SEMA3A: variants seen among roughly 807,000 people sequenced by gnomAD.
The protein encoded by SEMA3A is semaphorin-3A.
Under a neutral mutation model 97.9 loss-of-function variants are expected in SEMA3A, and 29 were observed. That is an observed-to-expected ratio of 0.30 (90% CI 0.22 to 0.40). The LOEUF (loss-of-function observed/expected upper bound fraction) is 0.40, where lower values mean the gene tolerates loss of function less well. SEMA3A is among the 10% of genes least tolerant of loss of function. The pLI, the probability that SEMA3A is intolerant of heterozygous loss-of-function variation, is 1.00. For synonymous variants in SEMA3A, 321 were observed against 323.7 expected, an observed-to-expected ratio of 0.99 and a Z score of 0.09; for missense variants, 763 against 951.3, an observed-to-expected ratio of 0.80 and a Z score of 2.60.
At chr7:84,346,587 C>T (rs1054205041) in intron 2 of SEMA3A, among the ~76,000 whole-genome samples, 5 of 152,082 alleles carry the variant, frequency 3.3e-5, no homozygotes, top group African/African-American at 1.2e-4. Context: ...GGACAGACAT[C>T]GATAAATGGC....
chr7:84,314,226 T>C (rs1225996945), intron 2 of SEMA3A, among the ~76,000 whole-genome samples: 1 of 152,144 alleles, frequency 6.6e-6, no homozygotes, highest in African/African-American at 2.4e-5. Context: ...AGTGAGTCTA[T>C]CTAGTTTTGC....
intron 4 of SEMA3A, among the ~76,000 whole-genome samples, chr7:84,083,765 T>C (rs1195216550): frequency 2.0e-5 from 3 of 152,078 alleles, no homozygotes; most frequent in Non-Finnish European, 4.4e-5. Flanking sequence ...CTTAACATTT[T>C]ATATAATCCA....
At chr7:84,093,128 G>C (rs1794648129) in intron 4 of SEMA3A, among the ~76,000 whole-genome samples, 1 of 152,004 alleles carries the variant, frequency 6.6e-6, no homozygotes, top group Non-Finnish European at 1.5e-5. Context: ...AAACTGGCTG[G>C]GGACATTTAT....
intron 4 of SEMA3A, among the ~76,000 whole-genome samples, chr7:84,086,547 CATATA>C (rs1245512657): frequency 5.9e-5 from 3 of 51,110 alleles, no homozygotes; most frequent in South Asian, 4.6e-4. Flanking sequence ...ATTATATTTA[CATATA>C]ATATATTATT....
chr7:83,986,970 TCACACA>T (rs61054337), intron 12 of SEMA3A, among the ~76,000 whole-genome samples: 1 of 106,852 alleles, frequency 9.4e-6, no homozygotes. Flanking sequence ...TCTCTCTCTT[TCACACA>T]CACACACACA....
At chr7:84,000,187 A>G (rs1790385048) in intron 12 of SEMA3A, among the ~76,000 whole-genome samples, 1 of 151,540 alleles carries the variant, frequency 6.6e-6, no homozygotes, top group South Asian at 2.1e-4. Context: ...CCATTTGGAC[A>G]GTTGTTAGCT....
chr7:84,273,848 T>C (rs1426090204), intron 3 of SEMA3A, among the ~76,000 whole-genome samples: 1 of 152,100 alleles, frequency 6.6e-6, no homozygotes, highest in East Asian at 1.9e-4. Context: ...TATTTCCATA[T>C]TACAGGGTTA....
chr7:84,371,173 T>C (rs560194523), intron 2 of SEMA3A, among the ~76,000 whole-genome samples: 1 of 151,948 alleles, frequency 6.6e-6, no homozygotes, highest in African/African-American at 2.4e-5. Flanking sequence ...TTTACATTGT[T>C]TTTTTATTAT....
intron 3 of SEMA3A, among the ~76,000 whole-genome samples, chr7:84,126,339 G>A (rs1795791560): frequency 6.6e-6 from 1 of 151,996 alleles, no homozygotes; most frequent in Non-Finnish European, 1.5e-5. Context: ...CCCAGTAACT[G>A]AGACCACGGG....
At position 84,240,053 on chromosome 7, in the gene SEMA3A, CA is replaced by C. The variant is rs541770136; in HGVS notation, c.-82-45386del. Among the ~76,000 whole-genome samples the C allele has an allele frequency of 2.7e-4, 41 of 152,102 alleles. No homozygotes were observed. In the East Asian group the frequency reaches 6.8e-3, roughly 25 times the overall value. On this transcript the variant is annotated intron_variant, in intron 3 of 3. Coordinates refer to the SEMA3A transcript ENST00000424555. ...GTGTTTCAAATTACCAATTTATACCCAAGTGGTAGGTTGGTCTGTAGGATCC... is the reference window on the plus strand; with the variant it reads ...GTGTTTCAAATTACCAATTTATACCCAGTGGTAGGTTGGTCTGTAGGATCC...
chr7:84,066,525 T>C (rs1428878876), intron 4 of SEMA3A, among the ~76,000 whole-genome samples: 4 of 149,154 alleles, frequency 2.7e-5, no homozygotes, highest in East Asian at 2.0e-4. Context: ...GAAAACCCCA[T>C]TGTCTCAGCC....
At chr7:84,102,258 T>C (rs1794978190) in intron 4 of SEMA3A, among the ~76,000 whole-genome samples, 1 of 152,226 alleles carries the variant, frequency 6.6e-6, no homozygotes, top group African/African-American at 2.4e-5. Flanking sequence ...GTGTGACTAT[T>C]AAAGTGTGCT....
intron 3 of SEMA3A, among the ~76,000 whole-genome samples, chr7:84,288,928 G>A (rs760378794): frequency 2.6e-5 from 4 of 152,026 alleles, no homozygotes; most frequent in Non-Finnish European, 5.9e-5. Flanking sequence ...GTTTATTGGA[G>A]CACTATTTGC....
chr7:84,029,010 A>T (rs960481790), intron 6 of SEMA3A, among the ~76,000 whole-genome samples: 4 of 152,206 alleles, frequency 2.6e-5, no homozygotes, highest in Admixed American at 1.3e-4. Context: ...CTGATATCTC[A>T]GAATAACTTT....
At chr7:84,363,655 G>A (rs66946757) in intron 2 of SEMA3A, among the ~76,000 whole-genome samples, 33,504 of 151,656 alleles carry the variant, frequency 0.22, 3,983 homozygotes, top group South Asian at 0.35. Flanking sequence ...TTATGGTTTA[G>A]ACAAATTGTG....
intron 1 of SEMA3A, among the ~76,000 whole-genome samples, chr7:84,488,312 GTA>G (rs1491213434): frequency 1.3e-4 from 10 of 74,526 alleles, no homozygotes; most frequent in East Asian, 3.6e-4. Context: ...ATGTTTCTTC[GTA>G]TATACACACA....
chr7:84,424,894 A>ATAT (rs1481712927), intron 1 of SEMA3A, among the ~76,000 whole-genome samples: 12 of 76,810 alleles, frequency 1.6e-4, no homozygotes, highest in Admixed American at 7.3e-4. Context: ...ATATATAAAT[A>ATAT]ATTTATATAA....
At chr7:84,249,780 T>C (rs959739703) in intron 3 of SEMA3A, among the ~76,000 whole-genome samples, 3 of 148,642 alleles carry the variant, frequency 2.0e-5, no homozygotes, top group Non-Finnish European at 4.5e-5. Flanking sequence ...TGAGATTCCT[T>C]TCTAAAAAAA....
intron 4 of SEMA3A, among the ~76,000 whole-genome samples, chr7:84,091,118 GA>G (rs200764201): frequency 1.4e-5 from 1 of 73,022 alleles, no homozygotes; most frequent in Non-Finnish European, 3.5e-5. Context: ...AAGAAAGAAA[GA>G]AAAAGAAAGA....
Sources: gnomAD v4.1 joint callset for allele counts (sites outside exome capture counted in the v4.1 genomes callset) on GRCh38, gnomAD v4.1.1 for gene constraint, MANE v1.5 for transcripts, NCBI Gene and HGNC (gene_info 2026-07-23, HGNC 2026-07-21) for gene names.